Variants in SRPK2 observed in about 807,000 individuals in gnomAD.
SRPK2 encodes the protein SFRS protein kinase 2.
SRPK2 carries 21 observed loss-of-function variants against 90.8 expected under a neutral mutation model. That is an observed-to-expected ratio of 0.23 (90% CI 0.16 to 0.33). The LOEUF is 0.33. Among genes scored for constraint, SRPK2 ranks in the 10% least tolerant of loss-of-function variants. The pLI is 1.00. For missense variants in SRPK2, 620 were observed against 869.0 expected, an observed-to-expected ratio of 0.71 and a Z score of 3.60; for synonymous variants, 288 against 311.1, an observed-to-expected ratio of 0.93 and a Z score of 0.78.
chr7:105,336,667 A>C (rs1815129409), intron 2 of SRPK2, among the ~76,000 whole-genome samples: 1 of 152,212 alleles, frequency 6.6e-6, no homozygotes, highest in Non-Finnish European at 1.5e-5. Flanking sequence ...CTGTTGTCTT[A>C]CTGAACTACT....
At chr7:105,335,368 A>C (rs1317170195) in intron 2 of SRPK2, among the ~76,000 whole-genome samples, 1 of 152,194 alleles carries the variant, frequency 6.6e-6, no homozygotes, top group African/African-American at 2.4e-5. Flanking sequence ...TAGCTTTAAA[A>C]TGAACCTTGG....
intron 2 of SRPK2, among the ~76,000 whole-genome samples, chr7:105,254,591 T>C (rs1802965482): frequency 6.6e-6 from 1 of 152,230 alleles, no homozygotes; most frequent in Non-Finnish European, 1.5e-5. Context: ...AAAATGCCAG[T>C]TTGAAAATCA....
intron 2 of SRPK2, among the ~76,000 whole-genome samples, chr7:105,207,187 A>T (rs1007781081): frequency 1.9e-4 from 29 of 152,164 alleles, no homozygotes; most frequent in African/African-American, 7.0e-4. Context: ...CCCAGGGTGG[A>T]GTGCAGTGGT....
At chr7:105,163,721 G>A (rs558815956) in intron 6 of SRPK2, among the ~76,000 whole-genome samples, 1 of 152,294 alleles carries the variant, frequency 6.6e-6, no homozygotes, top group African/African-American at 2.4e-5. Flanking sequence ...TGAGGCAGGA[G>A]AATCTCTTGA....
intron 2 of SRPK2, among the ~76,000 whole-genome samples, chr7:105,388,058 G>A (rs1323488452): frequency 2.0e-5 from 3 of 152,196 alleles, no homozygotes; most frequent in Admixed American, 6.5e-5. Flanking sequence ...GAAACGCACA[G>A]GTCTCGGGGC....
At chr7:105,386,215 G>A (rs192783678) in intron 2 of SRPK2, among the ~76,000 whole-genome samples, 4 of 151,660 alleles carry the variant, frequency 2.6e-5, no homozygotes, top group African/African-American at 7.3e-5. Flanking sequence ...TCAGGAGGCT[G>A]AGGCAGGAGA....
At chr7:105,238,258 C>T (rs73186025) in intron 2 of SRPK2, among the ~76,000 whole-genome samples, 65,001 of 152,096 alleles carry the variant, frequency 0.43, 15,404 homozygotes, top group Non-Finnish European at 0.53. Context: ...TCATCATCGT[C>T]GTCATCATCC....
intron 4 of SRPK2, among the ~76,000 whole-genome samples, chr7:105,168,637 CTAGA>C (rs929152094): frequency 3.3e-4 from 50 of 151,852 alleles, no homozygotes; most frequent in African/African-American, 1.1e-3. Context: ...TAAAATAAGA[CTAGA>C]TAAACATCAG....
intron 2 of SRPK2, among the ~76,000 whole-genome samples, chr7:105,374,888 T>C (rs116273583): frequency 0.015 from 2,213 of 152,244 alleles, 48 homozygotes; most frequent in African/African-American, 0.049. Flanking sequence ...ATTACAGGCT[T>C]GAGCCACTGC....
intron 2 of SRPK2, among the ~76,000 whole-genome samples, chr7:105,261,022 T>TTA (rs368334222): frequency 6.7e-4 from 78 of 116,042 alleles, no homozygotes; most frequent in African/African-American, 2.5e-3. Context: ...CCCTAGAAAT[T>TTA]AAAAAAAAAA....
chr7:105,351,039 G>A (rs188168390), intron 2 of SRPK2, among the ~76,000 whole-genome samples: 18 of 152,294 alleles, frequency 1.2e-4, no homozygotes, highest in Admixed American at 4.6e-4. Flanking sequence ...CCCAATGTGG[G>A]TATTATGAGG....
chr7:105,126,267 C>T lies in SRPK2; in HGVS notation c.1896G>A (p.Arg632=). The change falls in exon 15 of 16, where the codon CGG becomes CGA. Residue 632 remains arginine (R), a synonymous_variant. Transcript: ENST00000393651. ...RHFALSGKYS[R]EFFNRRGELR... ...TACTACCTCTGCGATTGAAGAATTC[C>T]CGAGAATATTTTCCAGATAGAGCAA... 1 of 1,613,780 alleles carries T rather than the reference C, an allele frequency of 6.2e-7. No homozygotes were observed.
chr7:105,226,328 C>T (rs2129618052), intron 2 of SRPK2, among the ~76,000 whole-genome samples: 1 of 152,024 alleles, frequency 6.6e-6, no homozygotes, highest in East Asian at 1.9e-4. Context: ...CTCACTCTAT[C>T]ACCTAGGTTG....
At chr7:105,398,353 G>T (rs541365501) in intron 1 of SRPK2, among the ~76,000 whole-genome samples, 1 of 151,850 alleles carries the variant, frequency 6.6e-6, no homozygotes, top group East Asian at 1.9e-4. Flanking sequence ...CCCGTCTTGG[G>T]GCCTTTAATG....
chr7:105,245,083 C>G, intron 2 of SRPK2: 1 of 512,230 alleles, frequency 2.0e-6, no homozygotes, highest in Non-Finnish European at 3.6e-6. Flanking sequence ...ACCTCTTTTT[C>G]TTAGTATTTC....
rs78315253 is a variant in SRPK2 at position 105,191,734 on chromosome 7, T to C, written c.229+11894A>G. Among the ~76,000 whole-genome samples the C allele has an allele frequency of 8.2e-3, 1,246 of 152,104 alleles. 56 individuals are homozygous for C. The highest frequency in any genetic ancestry group is 0.075 in the East Asian group (385 of 5,160). Reference sequence around the variant, plus strand: ...TAATAAAGACGGTACCTCCATAACATTGTTTGCTTTTGTCTTCTCCTTGTA... The same window carrying C: ...TAATAAAGACGGTACCTCCATAACACTGTTTGCTTTTGTCTTCTCCTTGTA... On this transcript the variant is annotated intron_variant, in intron 3 of 15. Transcript: ENST00000393651.
At chr7:105,298,015 C>G (rs1293618621) in intron 2 of SRPK2, among the ~76,000 whole-genome samples, 2 of 152,212 alleles carry the variant, frequency 1.3e-5, no homozygotes, top group African/African-American at 2.4e-5. Context: ...GCTGGGATGA[C>G]AGGCGTGAGC....
chr7:105,211,243 G>C (rs1796817822), intron 2 of SRPK2, among the ~76,000 whole-genome samples: 1 of 151,902 alleles, frequency 6.6e-6, no homozygotes, highest in African/African-American at 2.4e-5. Context: ...AAAAAGATCT[G>C]ATTTTTTTTT....
At chr7:105,386,282 C>A (rs1250781179) in intron 2 of SRPK2, among the ~76,000 whole-genome samples, 8 of 145,320 alleles carry the variant, frequency 5.5e-5, no homozygotes, top group African/African-American at 2.0e-4. Context: ...CCACTGCCCT[C>A]CAGCCTGGGC....
Sources: gnomAD v4.1 joint callset for allele counts (sites outside exome capture counted in the v4.1 genomes callset) on GRCh38, gnomAD v4.1.1 for gene constraint, MANE v1.5 for transcripts, NCBI Gene and HGNC (gene_info 2026-07-23, HGNC 2026-07-21) for gene names.